STAU2: variants seen among roughly 807,000 people sequenced by gnomAD.
The protein encoded by STAU2 is double-stranded RNA-binding protein Staufen homolog 2.
In STAU2, 20 loss-of-function variants were observed where a neutral mutation model predicts 65.9. That is an observed-to-expected ratio of 0.30 (90% CI 0.21 to 0.44). STAU2 has a LOEUF of 0.44. Ranked by LOEUF, STAU2 falls within the 20% of genes least tolerant of loss-of-function variation. STAU2 has a pLI of 1.00. For synonymous variants in STAU2, 232 were observed against 233.9 expected (o/e 0.99, Z 0.07); for missense variants, 558 against 683.9 (o/e 0.82, Z 2.05).
intron 13 of STAU2, among the ~76,000 whole-genome samples, chr8:73,473,931 A>T (rs1449893041): frequency 6.6e-6 from 1 of 152,190 alleles, no homozygotes; most frequent in Non-Finnish European, 1.5e-5. Flanking sequence ...AAAATAATAA[A>T]TAACCCATAG....
chr8:73,515,772 TC>T (rs1409255946), intron 13 of STAU2, among the ~76,000 whole-genome samples: 13 of 106,308 alleles, frequency 1.2e-4, no homozygotes, highest in Non-Finnish European at 1.9e-4. Context: ...AAAAAATTTC[TC>T]TTTTTTTTTT....
At chr8:73,458,070 C>A (rs1819163681) in intron 13 of STAU2, among the ~76,000 whole-genome samples, 1 of 152,216 alleles carries the variant, frequency 6.6e-6, no homozygotes, top group African/African-American at 2.4e-5. Context: ...CACCAACCTG[C>A]TGAATATCAC....
chr8:73,704,505 C>T (rs1215479479), intron 4 of STAU2, among the ~76,000 whole-genome samples: 1 of 152,002 alleles, frequency 6.6e-6, no homozygotes, highest in African/African-American at 2.4e-5. Context: ...TTTAAAGGTC[C>T]TTATCAGTTA....
At chr8:73,450,919 A>G (rs1176848805) in intron 13 of STAU2, among the ~76,000 whole-genome samples, 1 of 152,314 alleles carries the variant, frequency 6.6e-6, no homozygotes. Context: ...CGGCATTTGT[A>G]GTTACCAGCC....
At chr8:73,497,448 T>C (rs1157385458) in intron 13 of STAU2, among the ~76,000 whole-genome samples, 1 of 120,782 alleles carries the variant, frequency 8.3e-6, no homozygotes, top group South Asian at 2.5e-4. Context: ...CAATATTCAA[T>C]AATAAATATT....
intron 3 of STAU2, among the ~76,000 whole-genome samples, chr8:73,719,060 T>A (rs1821458057): frequency 6.6e-6 from 1 of 152,182 alleles, no homozygotes; most frequent in South Asian, 2.1e-4. Flanking sequence ...CACGGCAACG[T>A]CAAACGGAAC....
At chr8:73,446,663 C>T (rs1386889735) in intron 13 of STAU2, among the ~76,000 whole-genome samples, 2 of 152,074 alleles carry the variant, frequency 1.3e-5, no homozygotes, top group Non-Finnish European at 2.9e-5. Context: ...TTTTTAAAGA[C>T]TGGGTCTCAC....
At position 73,695,278 on chromosome 8, in the gene STAU2, C is replaced by G. The variant is rs117276730; in HGVS notation, c.115-6465G>C. 6.3e-3 allele frequency among the ~76,000 whole-genome samples: 960 copies of G among 152,292 alleles called. 15 individuals are homozygous for G. The highest frequency in any genetic ancestry group is 0.043 in the South Asian group (206 of 4,826). On this transcript the variant is annotated intron_variant, in intron 4 of 14. Transcript: ENST00000524300. ...TGCATTTTGGATATCAGCTAAGCCA[C>G]CATAGGATAAGGCACCAGGCAGAGC... is the stretch of plus-strand genomic sequence containing the variant.
intron 13 of STAU2, among the ~76,000 whole-genome samples, chr8:73,532,901 C>T (rs1173210371): frequency 6.6e-6 from 1 of 152,226 alleles, no homozygotes; most frequent in Non-Finnish European, 1.5e-5. Context: ...CCACTCCCCA[C>T]CCAGCCCCTT....
chr8:73,710,523 G>T (rs1016402274), intron 3 of STAU2, among the ~76,000 whole-genome samples: 1 of 151,862 alleles, frequency 6.6e-6, no homozygotes, highest in Non-Finnish European at 1.5e-5. Flanking sequence ...TCTATAAAAT[G>T]AGAGAAATAA....
At position 73,704,479 on chromosome 8, in the gene STAU2, T is replaced by C. The variant is rs1820352900; in HGVS notation, c.114+4553A>G. 1.3e-5 allele frequency among the ~76,000 whole-genome samples: 2 copies of C among 152,072 alleles called. 1 individual carries two copies. The highest frequency in any genetic ancestry group is 4.8e-5 in the African/African-American group (2 of 41,356). ...CTTCTTAATCTAGTCATAATGACGGTGTAGTGCGCTATTTTTTTAAAGGTC... is the reference window on the plus strand; with the variant it reads ...CTTCTTAATCTAGTCATAATGACGGCGTAGTGCGCTATTTTTTTAAAGGTC... On this transcript the variant is annotated intron_variant, in intron 4 of 14. Coordinates refer to ENST00000524300, the MANE Select transcript of STAU2 (RefSeq NM_001164380.2).
chr8:73,693,861 T>C (rs1418094218), intron 4 of STAU2, among the ~76,000 whole-genome samples: 1 of 152,244 alleles, frequency 6.6e-6, no homozygotes, highest in African/African-American at 2.4e-5. Context: ...ACATGGTTAG[T>C]TGTGAAAATT....
intron 9 of STAU2, among the ~76,000 whole-genome samples, chr8:73,605,307 CTTTT>C (rs760108756): frequency 2.4e-5 from 3 of 123,992 alleles, no homozygotes; most frequent in Non-Finnish European, 5.1e-5. Context: ...GGCTTTTTTC[CTTTT>C]TTTTTTTTTT....
chr8:73,428,733 G>A (rs1817030267), intron 13 of STAU2, among the ~76,000 whole-genome samples: 1 of 152,146 alleles, frequency 6.6e-6, no homozygotes. Context: ...TCTTAGTGTG[G>A]CCTGAACACC....
chr8:73,534,047 T>C (rs1042229608), intron 13 of STAU2, among the ~76,000 whole-genome samples: 2 of 152,220 alleles, frequency 1.3e-5, no homozygotes, highest in Admixed American at 1.3e-4. Flanking sequence ...GAAAGTTGCC[T>C]GTTAGATCAT....
At chr8:73,603,929 A>G in intron 9 of STAU2, 66 bp from the exon 10 acceptor site, 2 of 1,504,696 alleles carry the variant, frequency 1.3e-6, no homozygotes, top group Non-Finnish European at 1.8e-6. Context: ...ATCCTTAAAG[A>G]AACAGTGCTT....
intron 6 of STAU2, among the ~76,000 whole-genome samples, chr8:73,639,317 T>A (rs1253921189): frequency 6.6e-6 from 1 of 152,090 alleles, no homozygotes; most frequent in Non-Finnish European, 1.5e-5. Flanking sequence ...ACCCAGAAAT[T>A]CCTTAATCAT....
chr8:73,575,761 T>C (rs2128958825), intron 12 of STAU2, among the ~76,000 whole-genome samples: 1 of 151,962 alleles, frequency 6.6e-6, no homozygotes, highest in Non-Finnish European at 1.5e-5. Flanking sequence ...GTATAAAATG[T>C]ATATACATTT....
At chr8:73,566,062 C>T in intron 12 of STAU2, among the ~76,000 whole-genome samples, 1 of 152,174 alleles carries the variant, frequency 6.6e-6, no homozygotes, top group East Asian at 1.9e-4. Flanking sequence ...CAGACTGGAG[C>T]CCAGCTATCT....
Sources: gnomAD v4.1 joint callset for allele counts (sites outside exome capture counted in the v4.1 genomes callset) on GRCh38, gnomAD v4.1.1 for gene constraint, MANE v1.5 for transcripts, NCBI Gene and HGNC (gene_info 2026-07-23, HGNC 2026-07-21) for gene names.